The following TTYH2 variants were observed in gnomAD, a reference collection of about 807,000 sequenced individuals.
TTYH2 encodes protein tweety homolog 2.
Under a neutral mutation model 68.3 loss-of-function variants are expected in TTYH2, and 49 were observed. The observed-to-expected ratio is 0.72, with a 90% CI of 0.57 to 0.91. The LOEUF is 0.91. Ranked by LOEUF, TTYH2 falls within the 40% of genes least tolerant of loss-of-function variation. The probability of loss-of-function intolerance (pLI) is 0.00; values close to 1 mark genes in which losing one functional copy is unlikely to be tolerated. For missense variants in TTYH2, 631 were observed against 700.4 expected, an observed-to-expected ratio of 0.90 and a Z score of 1.12; for synonymous variants, 272 against 300.8, an observed-to-expected ratio of 0.90 and a Z score of 0.99.
rs2050747846 is a variant in TTYH2, at chr17:74,261,256, T to A, written c.*1047T>A. On this transcript the variant is annotated 3_prime_UTR_variant, in exon 14 of 14. Coordinates refer to ENST00000269346, the MANE Select transcript of TTYH2 (RefSeq NM_032646.6). Reference sequence around the variant, plus strand: ...AGCTACTGTTTGGTGGGGATCTGGGTTCATCTCACCCACAGAGGGAGGATC... The same window carrying A: ...AGCTACTGTTTGGTGGGGATCTGGGATCATCTCACCCACAGAGGGAGGATC... The A allele has an allele frequency of 2.0e-5, 3 of 152,152 alleles. No homozygotes were observed. The South Asian group carries it at 6.2e-4, about 32-fold the overall frequency. 9.4% of individuals were successfully genotyped at this position (152,152 alleles called of 1,614,324 possible).
intron 3 of TTYH2, among the ~76,000 whole-genome samples, chr17:74,236,495 G>T (rs536632166): frequency 6.6e-6 from 1 of 152,208 alleles, no homozygotes; most frequent in Admixed American, 6.5e-5. Flanking sequence ...CTCCATCTGG[G>T]TGTCTCTGTA....
Position 74,244,058 on chromosome 17 carries a change from G to A in TTYH2, c.804+9G>A. On this transcript the variant is annotated intron_variant, in intron 6 of 13. Transcript: ENST00000269346. ...ATGGCTCTGCGGCAGTGGTGAGTTG[G>A]GGGAGGGAGTGGGTGGTGGGTGGTG... is the stretch of plus-strand genomic sequence containing the variant. 1 of 1,610,098 alleles carries A rather than the reference G, an allele frequency of 6.2e-7. No homozygotes were observed. Among genetic ancestry groups the A allele is most frequent in the Non-Finnish European group, 8.5e-7 (1 of 1,179,602 alleles).
chr17:74,228,734 G>A (rs553140974), intron 2 of TTYH2, among the ~76,000 whole-genome samples: 1 of 152,290 alleles, frequency 6.6e-6, no homozygotes, highest in East Asian at 1.9e-4. Flanking sequence ...TGCAAGTTCA[G>A]GTCAGTGCCC....
At chr17:74,231,187 A>G (rs2050385919) in intron 3 of TTYH2, among the ~76,000 whole-genome samples, 188 bp downstream of exon 3, 1 of 152,298 alleles carries the variant, frequency 6.6e-6, no homozygotes. Context: ...GTGCGTTCCA[A>G]GCCTGCAGGG....
At chr17:74,243,849 C>T in intron 5 of TTYH2, 128 bp from the exon 6 acceptor site, 1 of 837,570 alleles carries the variant, frequency 1.2e-6, no homozygotes, top group Non-Finnish European at 1.9e-6. Context: ...GTGAGCAGGG[C>T]CCACGTCAGG....
In TTYH2 at chr17:74,251,239, T is replaced by G. The variant is rs184956447; in HGVS notation, c.1116+882T>G. On this transcript the variant is annotated intron_variant, in intron 10 of 13. Transcript: ENST00000269346. ...ATGTGTATGTGCCTGTATGTGTGTG[T>G]GGGGTGTGTGGTGTGTGCGTGTGTG... Among the ~76,000 whole-genome samples the G allele has an allele frequency of 9.8e-3, 1,482 of 150,874 alleles. 21 individuals carry two copies. The highest frequency in any genetic ancestry group is 0.031 in the African/African-American group (1,279 of 41,106).
chr17:74,217,325 A>AT lies in TTYH2; in HGVS notation c.129+3617dup, dbSNP rs978568249. Reference sequence around the variant, plus strand: ...TTAGGAGGCAGAGGAGATGTTGTTAATTTTTTTTGTATTTAGGCATGTATT... The same window carrying AT: ...TTAGGAGGCAGAGGAGATGTTGTTAATTTTTTTTTGTATTTAGGCATGTATT... On this transcript the variant is annotated intron_variant, in intron 1 of 13. Coordinates refer to ENST00000269346, the MANE Select transcript of TTYH2 (RefSeq NM_032646.6). The surrounding 1 kb of genome is among the most constrained non-coding windows in gnomAD (Gnocchi z 4.0). Among the ~76,000 whole-genome samples the AT allele has an allele frequency of 1.3e-5, 2 of 151,926 alleles. No homozygotes were observed. Among genetic ancestry groups the AT allele is most frequent in the Non-Finnish European group, 2.9e-5 (2 of 67,964 alleles).
chr17:74,225,809 T>C (rs1430240395), intron 2 of TTYH2, among the ~76,000 whole-genome samples: 4 of 151,962 alleles, frequency 2.6e-5, no homozygotes, highest in Non-Finnish European at 5.9e-5. Flanking sequence ...ACATTCCGTG[T>C]GAGGGATCAA....
chr17:74,237,434 C>G lies in TTYH2; in HGVS notation c.555C>G (p.Leu185=). Residue 185 remains leucine, a synonymous_variant, in exon 4 of 14, where the codon CTC becomes CTG. Transcript: ENST00000269346. ...QQMAGSVVVQ[L]SGLPVWREVT... is the part of the protein sequence containing the mutation. ...TGGCGGGCAGCGTTGTTGTTCAGCT[C>G]TCAGGACTGCCCGTGTGGAGGGAGG... 6.2e-7 allele frequency: 1 copy of G among 1,614,138 alleles called. No individual in the cohort carries two copies. The highest frequency in any genetic ancestry group is 1.1e-5 in the South Asian group (1 of 91,084).
intron 6 of TTYH2, chr17:74,248,606 A>G (rs967341500): frequency 1.9e-5 from 20 of 1,067,230 alleles, no homozygotes; most frequent in Non-Finnish European, 1.8e-5. Context: ...AGATGAGGCC[A>G]TGGTGTAACG....
At position 74,261,574 on chromosome 17, in the gene TTYH2, C is replaced by T. The variant is rs3186520; in HGVS notation, c.*1365C>T. On this transcript the variant is annotated 3_prime_UTR_variant, in exon 14 of 14. Transcript: ENST00000269346. The stretch of plus-strand genomic sequence containing the variant: ...CCAGAGTTGGGGTCTTTGGTGCTTC[C>T]AACCTCCTGCCAACCTGGAGTTCAC... 0.12 allele frequency: 18,127 copies of T among 152,560 alleles called. 1,289 individuals carry two copies. The highest frequency in any genetic ancestry group is 0.15 in the Non-Finnish European group (10,432 of 67,978). The allele number at this position is 152,560 out of a possible 1,614,324, so 9.5% of individuals were successfully genotyped here. A position where few individuals can be genotyped will look rare whatever the true frequency, so the allele number is the denominator to read the frequency against.
intron 4 of TTYH2, among the ~76,000 whole-genome samples, chr17:74,242,663 G>C (rs2050513530): frequency 6.6e-6 from 1 of 152,230 alleles, no homozygotes. Flanking sequence ...AAAGTGCTGG[G>C]ATTACAGGCG....
chr17:74,260,023 C>CCTCTGACACCCGACCCAGTTCCA, intron 13 of TTYH2, 106 bp from the exon 14 acceptor site: 7 of 992,114 alleles, frequency 7.1e-6, no homozygotes, highest in Non-Finnish European at 9.5e-6. Context: ...GCCGGGTTTC[C>CCTCTGACACCCGACCCAGTTCCA]CTCTGACACC....
intron 6 of TTYH2, chr17:74,248,654 C>G: frequency 8.7e-7 from 1 of 1,146,084 alleles, no homozygotes; most frequent in East Asian, 4.8e-5. Context: ...CCCTGGGGCC[C>G]AGGATGCTGG....
intron 1 of TTYH2, among the ~76,000 whole-genome samples, chr17:74,218,080 T>G (rs2050238532): frequency 6.7e-6 from 1 of 148,194 alleles, no homozygotes; most frequent in Non-Finnish European, 1.5e-5. Flanking sequence ...TCCATGCACA[T>G]GGGGACATGC....
rs187140941 is a variant in TTYH2, at chr17:74,250,429, C to T, written c.1116+72C>T. On this transcript the variant is annotated intron_variant, in intron 10 of 13. Transcript: ENST00000269346. ...CAGGCCACACCTTCCAGAGAAAAGCCGGTAGAGGCCGAGGGGAGCGATGGC... is the reference window on the plus strand; with the variant it reads ...CAGGCCACACCTTCCAGAGAAAAGCTGGTAGAGGCCGAGGGGAGCGATGGC... The T allele has an allele frequency of 3.6e-4, 477 of 1,310,318 alleles. No homozygotes were observed. In the African/African-American group the frequency reaches 5.7e-3, roughly 16 times the overall value. 81.2% of individuals were successfully genotyped at this position (1,310,318 alleles called of 1,614,324 possible). A position where few individuals can be genotyped will look rare whatever the true frequency, so the allele number is the denominator to read the frequency against.
At chr17:74,260,035 G>A (rs545854613) in intron 13 of TTYH2, 94 bp from the exon 14 acceptor site, 23 of 1,139,524 alleles carry the variant, frequency 2.0e-5, no homozygotes, top group East Asian at 1.9e-4. Flanking sequence ...TCTGACACCC[G>A]ACCCAGTTCC....
intron 13 of TTYH2, among the ~76,000 whole-genome samples, chr17:74,256,727 C>T (rs1308308553): frequency 6.6e-6 from 1 of 152,202 alleles, no homozygotes; most frequent in Non-Finnish European, 1.5e-5. Flanking sequence ...CAGCTCACTG[C>T]ATCCTCCACC....
At chr17:74,216,699 G>A (rs1216139913) in intron 1 of TTYH2, among the ~76,000 whole-genome samples, 1 of 152,212 alleles carries the variant, frequency 6.6e-6, no homozygotes, top group African/African-American at 2.4e-5. Flanking sequence ...AGGCATGAGA[G>A]GTGAGCACCA....
Sources: gnomAD v4.1 joint callset for allele counts (sites outside exome capture counted in the v4.1 genomes callset) on GRCh38, gnomAD v4.1.1 for gene constraint, Gnocchi (gnomAD v3.1) non-coding constraint, MANE v1.5 for transcripts, NCBI Gene and HGNC (gene_info 2026-07-23, HGNC 2026-07-21) for gene names.